ACVR2B: variants seen among roughly 807,000 people sequenced by gnomAD.
ACVR2B encodes activin receptor type-2B.
In ACVR2B, 18 loss-of-function variants were observed where a neutral mutation model predicts 65.1. The observed-to-expected ratio is 0.28, with a 90% CI of 0.19 to 0.41. The LOEUF (loss-of-function observed/expected upper bound fraction) is 0.41. Ranked by LOEUF, ACVR2B falls within the 10% of genes least tolerant of loss-of-function variation. ACVR2B has a pLI of 1.00. For synonymous variants in ACVR2B, 298 were observed against 277.7 expected (o/e 1.07, Z -0.73); for missense variants, 482 against 682.7 (o/e 0.71, Z 3.28).
intron 1 of ACVR2B, among the ~76,000 whole-genome samples, chr3:38,467,625 C>T (rs1709754435): frequency 6.6e-6 from 1 of 151,690 alleles, no homozygotes; most frequent in Non-Finnish European, 1.5e-5. Context: ...TGGCATTGCA[C>T]CTGTAAGTCC....
chr3:38,454,219 G>T lies in ACVR2B; in HGVS notation c.-104G>T. On this transcript the variant is annotated 5_prime_UTR_variant, in exon 1 of 11. Coordinates refer to ENST00000352511, the MANE Select transcript of ACVR2B (RefSeq NM_001106.4). ...GCGCAGGGAACGAGACCGAAGGAAG[G>T]AGCGGGAAGGAGAGCGCAGCCGCCG... is the stretch of plus-strand genomic sequence containing the variant. 1.2e-6 allele frequency: 1 copy of T among 839,704 alleles called. No individual in the cohort carries two copies. The highest frequency in any genetic ancestry group is 4.3e-5 in the South Asian group (1 of 23,206). The allele number at this position is 839,704 out of a possible 1,614,324, so 52.0% of individuals were successfully genotyped here.
chr3:38,463,701 A>G (rs1438332079), intron 1 of ACVR2B, among the ~76,000 whole-genome samples: 1 of 152,194 alleles, frequency 6.6e-6, no homozygotes. Context: ...TCTAGTACAA[A>G]TGATACTCCA....
In ACVR2B at chr3:38,481,450, G is replaced by A; in HGVS notation, c.1059G>A (p.Gly353=). Residue 353 remains glycine, a synonymous_variant, in exon 8 of 11, where the codon GGG becomes GGA. Transcript: ENST00000352511. This position sits in a 1 kb window ranked among gnomAD's most constrained non-coding sequence, Gnocchi z 4.7. ...AVRFEPGKPP[G]DTHGQVGTRR... ...GATTTGAGCCAGGGAAACCTCCAGG[G>A]GACACCCACGGACAGGTAACAGGCC... 1 of 1,614,132 alleles carries A rather than the reference G, an allele frequency of 6.2e-7. No homozygotes were observed. The highest frequency in any genetic ancestry group is 8.5e-7 in the Non-Finnish European group (1 of 1,179,960).
At chr3:38,470,627 C>T (rs1398395244) in intron 1 of ACVR2B, among the ~76,000 whole-genome samples, 1 of 152,094 alleles carries the variant, frequency 6.6e-6, no homozygotes, top group Non-Finnish European at 1.5e-5. Flanking sequence ...AATATAGACA[C>T]AAATAATGTC....
Position 38,478,405 on chromosome 3 carries a change from G to T in ACVR2B, c.553G>T (p.Val185Leu), listed in dbSNP as rs1279855513. 1 of 1,614,010 alleles carries T rather than the reference G, an allele frequency of 6.2e-7. No individual in the cohort carries two copies. Among genetic ancestry groups the T allele is most frequent in the Non-Finnish European group, 8.5e-7 (1 of 1,180,018 alleles). ...DPGPPPPSPL[V>L]GLKPLQLLEI... ...TGGGCCTCCACCACCATCCCCTCTG[G>T]TGGGCCTGAAGCCACTGCAGCTGCT... The change falls in exon 5 of 11, where the codon GTG becomes TTG. Residue 185 changes from valine to leucine, a missense_variant. Transcript: ENST00000352511.
chr3:38,454,353 CT>C lies in ACVR2B; in HGVS notation c.32del (p.Leu11ProfsTer63). 1.5e-6 allele frequency: 2 copies of C among 1,291,148 alleles called. No individual in the cohort carries two copies. Among genetic ancestry groups the C allele is most frequent in the South Asian group, 2.6e-5 (1 of 39,088 alleles). 80.0% of individuals were successfully genotyped at this position (1,291,148 alleles called of 1,614,324 possible). ...GGCGCCCTGGGTGGCCCTCGCCCTC[CT>C]CTGGGGATCGCTGTGCGCCGGTAAG... MTAPWVALAL[L>X]WGSLCAGSGR... On this transcript the variant is annotated frameshift_variant, in exon 1 of 11. Transcript: ENST00000352511. LOFTEE classifies it high-confidence loss of function.
In ACVR2B at chr3:38,481,206, G is replaced by A; in HGVS notation, c.960-145G>A. 2.7e-6 allele frequency: 2 copies of A among 749,384 alleles called. No individual in the cohort carries two copies. Among genetic ancestry groups the A allele is most frequent in the Non-Finnish European group, 4.9e-6 (2 of 412,276 alleles). 46.4% of individuals were successfully genotyped at this position (749,384 alleles called of 1,614,324 possible). On this transcript the variant is annotated intron_variant, in intron 7 of 10. Transcript: ENST00000352511. The surrounding 1 kb of genome is among the most constrained non-coding windows in gnomAD (Gnocchi z 4.7). Reference sequence around the variant, plus strand: ...TGTCGGCGCCTGCAGCTGCCTGCTTGTGCTGCTTCACCTCTGCACCCCAGG... The same window carrying A: ...TGTCGGCGCCTGCAGCTGCCTGCTTATGCTGCTTCACCTCTGCACCCCAGG...
At chr3:38,466,362 T>A (rs1709727394) in intron 1 of ACVR2B, among the ~76,000 whole-genome samples, 1 of 152,212 alleles carries the variant, frequency 6.6e-6, no homozygotes, top group Non-Finnish European at 1.5e-5. Flanking sequence ...GGATTTTGAA[T>A]GTTCCTACCA....
chr3:38,472,713 C>T (rs1048674515), intron 1 of ACVR2B, among the ~76,000 whole-genome samples: 2 of 152,122 alleles, frequency 1.3e-5, no homozygotes, highest in Admixed American at 6.5e-5. Flanking sequence ...GGACTGGGGA[C>T]ACCCAAGTGC....
At chr3:38,479,472 A>C (rs1709978501) in intron 6 of ACVR2B, among the ~76,000 whole-genome samples, 1 of 152,102 alleles carries the variant, frequency 6.6e-6, no homozygotes, top group African/African-American at 2.4e-5. Context: ...CCCTGGGATA[A>C]GTTTTTATGA....
chr3:38,454,364 G>A lies in ACVR2B; in HGVS notation c.42G>A (p.Ser14=). 2 of 1,277,852 alleles carry A rather than the reference G, an allele frequency of 1.6e-6. No homozygotes were observed. Among genetic ancestry groups the A allele is most frequent in the Admixed American group, 3.9e-5 (1 of 25,576 alleles). The allele number at this position is 1,277,852 out of a possible 1,614,324, so 79.2% of individuals were successfully genotyped here. ...PWVALALLWG[S]LCAGSGRGEA... ...TGGCCCTCGCCCTCCTCTGGGGATC[G>A]CTGTGCGCCGGTAAGAACTGGGCGC... Residue 14 remains serine (S), a synonymous_variant, in exon 1 of 11, where the codon TCG becomes TCA. Coordinates refer to ENST00000352511, the MANE Select transcript of ACVR2B (RefSeq NM_001106.4).
In ACVR2B at chr3:38,479,256, G is replaced by A; in HGVS notation, c.795G>A (p.Thr265=). The A allele has an allele frequency of 6.2e-7, 1 of 1,614,136 alleles. No individual in the cohort carries two copies. ...SNLEVELWLI[T]AFHDKGSLTD... ...TCGAAGTAGAGCTGTGGCTCATCAC[G>A]GCCTTCCATGACAAGGTGAGCCACA... Residue 265 remains threonine, a synonymous_variant, in exon 6 of 11, where the codon ACG becomes ACA. Transcript: ENST00000352511.
At position 38,477,246 on chromosome 3, in the gene ACVR2B, C is replaced by T. The variant is rs1378848085; in HGVS notation, c.53-41C>T. ...GGGAGTAGGGGTTTGGGTGGTGGTC[C>T]CAGGGGCATGCTCAGTGGTTCTCTT... On this transcript the variant is annotated intron_variant, in intron 1 of 10. Transcript: ENST00000352511. The surrounding 1 kb of genome is among the most constrained non-coding windows in gnomAD (Gnocchi z 6.7). 1.9e-6 allele frequency: 3 copies of T among 1,610,264 alleles called. No homozygotes were observed. In the African/African-American group the frequency reaches 4.0e-5, roughly 22 times the overall value.
intron 1 of ACVR2B, among the ~76,000 whole-genome samples, chr3:38,461,627 T>A (rs1709648869): frequency 6.6e-6 from 1 of 152,122 alleles, no homozygotes; most frequent in Non-Finnish European, 1.5e-5. Flanking sequence ...CTCCCATCAC[T>A]GAGAGGTTAG....
intron 1 of ACVR2B, among the ~76,000 whole-genome samples, chr3:38,472,284 T>C (rs572552325): frequency 6.6e-6 from 1 of 152,128 alleles, no homozygotes; most frequent in Admixed American, 6.5e-5. Flanking sequence ...CCTCCTTCGC[T>C]CTTATGGAGG....
At position 38,490,084 on chromosome 3, in the gene ACVR2B, C is replaced by T. The variant is rs1301548549; in HGVS notation, c.*6752C>T. 6.6e-6 allele frequency: 1 copy of T among 152,216 alleles called. No homozygotes were observed. The highest frequency in any genetic ancestry group is 1.5e-5 in the Non-Finnish European group (1 of 68,042). 9.4% of individuals were successfully genotyped at this position (152,216 alleles called of 1,614,324 possible). ...GTTTTCCTGCTTTTCTGAGGAAGCT[C>T]AGCATCACTGCCACAATACGGAAAG... On this transcript the variant is annotated 3_prime_UTR_variant, in exon 11 of 11. Coordinates refer to ENST00000352511, the MANE Select transcript of ACVR2B (RefSeq NM_001106.4).
chr3:38,478,238 CT>C lies in ACVR2B; in HGVS notation c.472del (p.Trp158GlyfsTer30). On this transcript the variant is annotated frameshift_variant, in exon 4 of 11. Coordinates refer to ENST00000352511, the MANE Select transcript of ACVR2B (RefSeq NM_001106.4). LOFTEE classifies it high-confidence loss of function. ...GCCTTTCCCTCATCGTCCTGCTGGCCTTTTGGATGTACCGGCATCGCAAGCC... is the reference window on the plus strand; with the variant it reads ...GCCTTTCCCTCATCGTCCTGCTGGCCTTTGGATGTACCGGCATCGCAAGCC... ...GGLSLIVLLA[F>X]WMYRHRKPPY... The C allele has an allele frequency of 6.2e-7, 1 of 1,614,160 alleles. No individual in the cohort carries two copies. Among genetic ancestry groups the C allele is most frequent in the Non-Finnish European group, 8.5e-7 (1 of 1,180,026 alleles).
chr3:38,458,809 G>T (rs372976786), intron 1 of ACVR2B, among the ~76,000 whole-genome samples: 1 of 152,126 alleles, frequency 6.6e-6, no homozygotes, highest in Admixed American at 6.5e-5. Flanking sequence ...CCTGAGGCAG[G>T]GTCCTGGTTG....
chr3:38,478,578 C>G, intron 5 of ACVR2B, 60 bp downstream of exon 5: 1 of 1,610,640 alleles, frequency 6.2e-7, no homozygotes, highest in Non-Finnish European at 8.5e-7. Flanking sequence ...GAACTGGAGG[C>G]TCTCCTGACC....
Sources: allele counts gnomAD v4.1 joint callset (sites outside exome capture counted in the v4.1 genomes callset), GRCh38; gene constraint gnomAD v4.1.1; non-coding constraint Gnocchi (gnomAD v3.1); transcripts MANE v1.5; gene names NCBI Gene and HGNC (gene_info 2026-07-23, HGNC 2026-07-21).